The following FMNL2 variants were observed in gnomAD, a reference collection of about 807,000 sequenced individuals.
FMNL2 encodes the protein formin-like protein 2.
A neutral mutation model predicts 130.2 loss-of-function variants in FMNL2; 51 were observed. The ratio of observed to expected loss-of-function variants is 0.39; its 90% CI spans 0.31 to 0.49. The LOEUF is 0.49. FMNL2 is among the 20% of genes least tolerant of loss of function. The probability of loss-of-function intolerance (pLI) is 0.85; values close to 1 mark genes in which losing one functional copy is unlikely to be tolerated. For missense variants in FMNL2, 977 were observed against 1,316.2 expected (o/e 0.74, Z 3.99); for synonymous variants, 465 against 467.1 (o/e 1.00, Z 0.06).
intron 9 of FMNL2, among the ~76,000 whole-genome samples, chr2:152,583,555 G>A (rs1012477908): frequency 6.6e-6 from 1 of 152,218 alleles, no homozygotes; most frequent in South Asian, 2.1e-4. Context: ...ATTCCTGGAA[G>A]AAGCTGGAGA....
At chr2:152,526,180 C>T (rs1411194552) in intron 2 of FMNL2, among the ~76,000 whole-genome samples, 12 of 152,116 alleles carry the variant, frequency 7.9e-5, no homozygotes, top group Non-Finnish European at 2.9e-5. Context: ...TAAATTAGTT[C>T]CTGTGGGCCA....
chr2:152,486,950 T>C (rs1490865623), intron 1 of FMNL2, among the ~76,000 whole-genome samples: 3 of 152,226 alleles, frequency 2.0e-5, no homozygotes, highest in Admixed American at 2.0e-4. Flanking sequence ...TTTAGTTTTC[T>C]TCTGTGTGTG....
chr2:152,616,663 T>A (rs1479518318), intron 12 of FMNL2, among the ~76,000 whole-genome samples: 1 of 152,202 alleles, frequency 6.6e-6, no homozygotes, highest in African/African-American at 2.4e-5. Flanking sequence ...AAGCAGTAGT[T>A]GTTTTTCAAC....
intron 20 of FMNL2, among the ~76,000 whole-genome samples, chr2:152,630,154 A>G (rs1682063897): frequency 6.6e-6 from 1 of 152,200 alleles, no homozygotes; most frequent in African/African-American, 2.4e-5. Context: ...TATTTTATTT[A>G]TAATTGCAAA....
chr2:152,485,139 A>C (rs1690746235), intron 1 of FMNL2, among the ~76,000 whole-genome samples: 1 of 152,132 alleles, frequency 6.6e-6, no homozygotes, highest in Admixed American at 6.5e-5. Context: ...TGAGCTTAGA[A>C]GTTTGAGATC....
intron 1 of FMNL2, among the ~76,000 whole-genome samples, chr2:152,517,531 G>A (rs1692841469): frequency 6.6e-6 from 1 of 152,166 alleles, no homozygotes; most frequent in South Asian, 2.1e-4. Flanking sequence ...TGCTGTTAGA[G>A]CCCAATGAGA....
intron 6 of FMNL2, among the ~76,000 whole-genome samples, chr2:152,570,365 AGAGGGGCT>A (rs201231016): frequency 0.017 from 2,590 of 152,294 alleles, 242 homozygotes; most frequent in Admixed American, 0.15. Context: ...TTTATGTAGA[AGAGGGGCT>A]GGGAAATTTG....
intron 4 of FMNL2, among the ~76,000 whole-genome samples, chr2:152,550,328 C>A (rs909923312): frequency 1.3e-5 from 2 of 152,110 alleles, no homozygotes; most frequent in Non-Finnish European, 2.9e-5. Context: ...AAATGATAAC[C>A]AGCAGGTTTT....
intron 18 of FMNL2, among the ~76,000 whole-genome samples, chr2:152,629,319 G>T (rs1032374769): frequency 1.5e-4 from 23 of 152,076 alleles, no homozygotes; most frequent in African/African-American, 5.1e-4. Flanking sequence ...ATGATTAGAG[G>T]TGGTAGGCAG....
chr2:152,644,845 G>A (rs4664600), intron 25 of FMNL2, among the ~76,000 whole-genome samples: 129,195 of 152,116 alleles, frequency 0.85, 55,477 homozygotes, highest in Non-Finnish European at 0.91. Flanking sequence ...GGAAAAAAGG[G>A]TCAAACTTTT....
intron 1 of FMNL2, among the ~76,000 whole-genome samples, chr2:152,492,725 T>C (rs1691283154): frequency 6.6e-6 from 1 of 152,244 alleles, no homozygotes; most frequent in African/African-American, 2.4e-5. Flanking sequence ...AATCACCCCT[T>C]GTTTCTTTTG....
intron 1 of FMNL2, among the ~76,000 whole-genome samples, chr2:152,491,489 A>C (rs1229104906): frequency 6.6e-6 from 1 of 152,212 alleles, no homozygotes; most frequent in East Asian, 1.9e-4. Flanking sequence ...CTGGATCACT[A>C]ACCAGAAATA....
chr2:152,439,416 A>G (rs1013783782), intron 1 of FMNL2, among the ~76,000 whole-genome samples: 3 of 152,140 alleles, frequency 2.0e-5, no homozygotes, highest in Admixed American at 6.6e-5. Flanking sequence ...TGGTTTTTTA[A>G]TCAAGCCAGG....
intron 1 of FMNL2, among the ~76,000 whole-genome samples, chr2:152,337,391 CTGTGTGTGTGTG>C (rs10524595): frequency 1.4e-5 from 2 of 143,446 alleles, no homozygotes; most frequent in Non-Finnish European, 3.1e-5. Context: ...CTGTGGTGCT[CTGTGTGTGTGTG>C]TGTGTGTGTG....
intron 1 of FMNL2, among the ~76,000 whole-genome samples, chr2:152,402,598 A>G (rs1283942720): frequency 6.6e-6 from 1 of 152,234 alleles, no homozygotes; most frequent in East Asian, 1.9e-4. Context: ...AGTTGCTGCC[A>G]AAATGAATTT....
chr2:152,517,444 C>T (rs1375187390), intron 1 of FMNL2, among the ~76,000 whole-genome samples: 1 of 152,062 alleles, frequency 6.6e-6, no homozygotes, highest in African/African-American at 2.4e-5. Flanking sequence ...AGCACTCAGT[C>T]CAGTGGGAAA....
chr2:152,560,000 T>C (rs1281642953), intron 5 of FMNL2, among the ~76,000 whole-genome samples: 3 of 152,242 alleles, frequency 2.0e-5, no homozygotes, highest in Non-Finnish European at 2.9e-5. Flanking sequence ...TTGGCAGTTA[T>C]ACTTTTATAA....
At chr2:152,604,228 G>A (rs1171611571) in intron 9 of FMNL2, among the ~76,000 whole-genome samples, 1 of 150,916 alleles carries the variant, frequency 6.6e-6, no homozygotes, top group Non-Finnish European at 1.5e-5. Context: ...GTGGGAGAAG[G>A]AACCTCAGGC....
Position 152,561,051 on chromosome 2 carries a change from C to A in FMNL2, c.596+16C>A, listed in dbSNP as rs1421857630. ...CTGCACTGCGGTGAGTTCGTTTAATCAGGAGGCAACTTTGGCAGGATGCAC... is the reference window on the plus strand; with the variant it reads ...CTGCACTGCGGTGAGTTCGTTTAATAAGGAGGCAACTTTGGCAGGATGCAC... On this transcript the variant is annotated intron_variant, in intron 6 of 25. Coordinates refer to ENST00000288670, the MANE Select transcript of FMNL2 (RefSeq NM_052905.4). 6.4e-7 allele frequency: 1 copy of A among 1,573,848 alleles called. No homozygotes were observed. The highest frequency in any genetic ancestry group is 8.6e-7 in the Non-Finnish European group (1 of 1,156,802).
Sources: gnomAD v4.1 joint callset for allele counts (sites outside exome capture counted in the v4.1 genomes callset) on GRCh38, gnomAD v4.1.1 for gene constraint, MANE v1.5 for transcripts, NCBI Gene and HGNC (gene_info 2026-07-23, HGNC 2026-07-21) for gene names.